Variants in IL9 observed in about 807,000 individuals in gnomAD.
IL9 encodes interleukin 9.
In IL9, 16 loss-of-function variants were observed where a neutral mutation model predicts 12.9. The observed-to-expected ratio is 1.24, with a 90% CI of 0.84 to 1.88. The LOEUF is 1.88. Ranked by LOEUF, IL9 falls within the 40% of genes most tolerant of loss-of-function variation. The pLI is 0.00. For synonymous variants in IL9, 69 were observed against 63.8 expected, an observed-to-expected ratio of 1.08 and a Z score of -0.39; for missense variants, 170 against 173.1, an observed-to-expected ratio of 0.98 and a Z score of 0.10.
intron 4 of IL9, among the ~76,000 whole-genome samples, chr5:135,892,793 C>A (rs113551202): frequency 6.6e-6 from 1 of 151,000 alleles, no homozygotes; most frequent in African/African-American, 2.4e-5. Context: ...TATTAAGTGG[C>A]CCTAAATCTC....
intron 4 of IL9, 57 bp downstream of exon 4, chr5:135,893,963 T>C (rs1319016595): frequency 2.0e-6 from 3 of 1,490,570 alleles, no homozygotes; most frequent in Non-Finnish European, 2.7e-6. Context: ...AGGGTTGGCA[T>C]CACCATTCAC....
chr5:135,892,733 TACACACACACACACACACACAC>T (rs59978451), intron 4 of IL9, among the ~76,000 whole-genome samples: 10 of 137,858 alleles, frequency 7.3e-5, no homozygotes, highest in African/African-American at 1.4e-4. Flanking sequence ...CAGGGGTCTT[TACACACACACACACACACACAC>T]ACACACACAC....
At chr5:135,893,508 A>G (rs183978016) in intron 4 of IL9, among the ~76,000 whole-genome samples, 2 of 152,198 alleles carry the variant, frequency 1.3e-5, no homozygotes, top group East Asian at 1.9e-4. Flanking sequence ...GCTACTCGGG[A>G]GGCTGAGGCA....
intron 3 of IL9, among the ~76,000 whole-genome samples, chr5:135,894,394 G>A (rs1158900156): frequency 3.9e-5 from 6 of 152,144 alleles, no homozygotes; most frequent in African/African-American, 1.2e-4. Context: ...AAACATGAGG[G>A]CTCTGGGCCC....
chr5:135,894,140 G>A lies in IL9; in HGVS notation c.195C>T (p.Thr65=), dbSNP rs1360361637. 1 of 1,612,406 alleles carries A rather than the reference G, an allele frequency of 6.2e-7. No homozygotes were observed. Residue 65 remains threonine (T), a synonymous_variant, in exon 4 of 5, where the codon ACC becomes ACT. Transcript: ENST00000274520. ...ACAGTCTCTCACTGAAGCATGGTCTGGTGCAGTTGTCCTGGTAAATAGTAA... is the reference window on the plus strand; with the variant it reads ...ACAGTCTCTCACTGAAGCATGGTCTAGTGCAGTTGTCCTGGTAAATAGTAA... ...LCLGIPSDNC[T]RPCFSERLSQ...
rs891076021 is a variant in IL9, at chr5:135,894,231, A to T, written c.184-80T>A. On this transcript the variant is annotated intron_variant, in intron 3 of 4. Coordinates refer to ENST00000274520, the MANE Select transcript of IL9 (RefSeq NM_000590.2). ...TATATCACAAAGAGCAATATAATAG[A>T]GATGATTTTTATTTAATCACCATTA... 1.1e-4 allele frequency: 154 copies of T among 1,354,746 alleles called. 6 individuals carry two copies. The highest frequency in any genetic ancestry group is 2.1e-4 in the South Asian group (16 of 77,532). The allele number at this position is 1,354,746 out of a possible 1,614,324, so 83.9% of individuals were successfully genotyped here.
rs1762929165 is a variant in IL9, at chr5:135,895,584, G to A, written c.121C>T (p.Pro41Ser). The change falls in exon 2 of 5, where the codon CCA becomes TCA. Residue 41 changes from proline (P) to serine (S), a missense_variant. Transcript: ENST00000274520. Reference protein sequence around the residue: ...NFLINKMQEDPASKCHCSANV... With the variant: ...NFLINKMQEDSASKCHCSANV... Reference sequence around the variant, plus strand: ...GCACTGCAGTGGCACTTGGAAGCTGGATCTTCCTAAAGTAGATAGAGAGAT... The same window carrying A: ...GCACTGCAGTGGCACTTGGAAGCTGAATCTTCCTAAAGTAGATAGAGAGAT... 2 of 1,613,912 alleles carry A rather than the reference G, an allele frequency of 1.2e-6. No homozygotes were observed. Among genetic ancestry groups the A allele is most frequent in the African/African-American group, 1.3e-5 (1 of 74,922 alleles).
At chr5:135,895,641 T>C in intron 1 of IL9, 51 bp from the exon 2 acceptor site, 1 of 1,609,600 alleles carries the variant, frequency 6.2e-7, no homozygotes, top group Non-Finnish European at 8.5e-7. Context: ...AGTTTTTTCA[T>C]CCTCATACAT....
intron 3 of IL9, among the ~76,000 whole-genome samples, chr5:135,894,448 G>A (rs902306677): frequency 1.3e-5 from 2 of 152,120 alleles, no homozygotes; most frequent in Admixed American, 6.5e-5. Context: ...GGTGCTTCCC[G>A]GCTTCAAGGC....
chr5:135,893,874 C>A (rs1388059070), intron 4 of IL9, 146 bp downstream of exon 4: 11 of 621,274 alleles, frequency 1.8e-5, no homozygotes, highest in South Asian at 8.6e-5. Context: ...AATTATATTA[C>A]TTCTGATTAA....
intron 3 of IL9, among the ~76,000 whole-genome samples, chr5:135,894,836 G>A (rs925904759): frequency 6.6e-6 from 1 of 152,204 alleles, no homozygotes; most frequent in Non-Finnish European, 1.5e-5. Flanking sequence ...AGTGGGCAGT[G>A]GCCCTCTGGA....
intron 4 of IL9, among the ~76,000 whole-genome samples, chr5:135,892,832 T>A (rs1007210216): frequency 3.3e-5 from 5 of 151,972 alleles, no homozygotes; most frequent in Admixed American, 3.3e-4. Context: ...TTCTGGGGAC[T>A]CTTTGAGGCC....
intron 3 of IL9, among the ~76,000 whole-genome samples, chr5:135,894,688 C>T (rs1024410737): frequency 1.3e-5 from 2 of 152,196 alleles, no homozygotes; most frequent in African/African-American, 4.8e-5. Flanking sequence ...GGGCAAGAAG[C>T]TCAGATTCTT....
rs1367286982 is a variant in IL9 at position 135,892,402 on chromosome 5, C to A, written c.424G>T (p.Gly142Cys). ...ATAATATTTCATCTTCATATCTTGC[C>A]TCTCATCCCTCTCATCTTTTCTTTC... ...FQKEKMRGMR[G>C]KI Residue 142 changes from glycine to cysteine, a missense_variant, in exon 5 of 5, where the codon GGC becomes TGC. Physicochemically the swap from Gly to Cys is radical, Grantham distance 159. Coordinates refer to ENST00000274520, the MANE Select transcript of IL9 (RefSeq NM_000590.2). 2 of 1,597,402 alleles carry A rather than the reference C, an allele frequency of 1.3e-6. No homozygotes were observed. Among genetic ancestry groups the A allele is most frequent in the Non-Finnish European group, 1.7e-6 (2 of 1,168,812 alleles).
rs1561570510 is a variant in IL9, at chr5:135,892,423, C to A, written c.403G>T (p.Glu135Ter). The change falls in exon 5 of 5, where the codon GAA becomes TAA. Residue 135 changes from glutamate to a stop codon, truncating the protein, a stop_gained. Transcript: ENST00000274520. LOFTEE classifies it low-confidence loss of function (END_TRUNC). ...TTGCCTCTCATCCCTCTCATCTTTT[C>A]TTTCTGGAAAATTTCCAGAAGACTC... ...LKSLLEIFQKEKMRGMRGKI is the reference protein window; with the variant it reads ...LKSLLEIFQK The A allele has an allele frequency of 6.2e-7, 1 of 1,611,358 alleles. No homozygotes were observed. The highest frequency in any genetic ancestry group is 8.5e-7 in the Non-Finnish European group (1 of 1,177,996).
chr5:135,893,926 A>G, intron 4 of IL9, 94 bp downstream of exon 4: 1 of 1,088,318 alleles, frequency 9.2e-7, no homozygotes, highest in Non-Finnish European at 1.3e-6. Flanking sequence ...TACCAATTCC[A>G]ACTTTATCAT....
chr5:135,895,702 C>T lies in IL9; in HGVS notation c.114+1G>A. On this transcript the variant is annotated splice_donor_variant, in intron 1 of 4. Transcript: ENST00000274520. LOFTEE classifies it high-confidence loss of function. ...TCCCATGGGCTCCCCCTGCAGCCTA[C>T]CTGCATCTTGTTGATGAGGAAGTTG... The T allele has an allele frequency of 1.2e-6, 2 of 1,611,808 alleles. No homozygotes were observed. The highest frequency in any genetic ancestry group is 1.7e-6 in the Non-Finnish European group (2 of 1,177,864).
chr5:135,893,919 C>T (rs1762907392), intron 4 of IL9, 101 bp downstream of exon 4: 4 of 969,678 alleles, frequency 4.1e-6, no homozygotes, highest in Admixed American at 6.2e-5. Flanking sequence ...CTTGAACTAC[C>T]AATTCCAACT....
chr5:135,895,651 T>C, intron 1 of IL9, 52 bp downstream of exon 1: 2 of 1,606,186 alleles, frequency 1.2e-6, no homozygotes, highest in South Asian at 2.2e-5. Context: ...TCCTCATACA[T>C]ATTTCACTTT....
Sources: gnomAD v4.1 joint callset for allele counts (sites outside exome capture counted in the v4.1 genomes callset) on GRCh38, gnomAD v4.1.1 for gene constraint, MANE v1.5 for transcripts, NCBI Gene and HGNC (gene_info 2026-07-23, HGNC 2026-07-21) for gene names.